AMZ1: variants seen among roughly 807,000 people sequenced by gnomAD.
AMZ1 encodes archaelysin family metallopeptidase 1, also known as archaemetzincin-1.
In AMZ1, 39 loss-of-function variants were observed where a neutral mutation model predicts 29.9. The ratio of observed to expected loss-of-function variants is 1.30; its 90% confidence interval spans 1.01 to 1.70. The LOEUF (loss-of-function observed/expected upper bound fraction) is 1.70. Among genes scored for constraint, AMZ1 ranks in the 40% most tolerant of loss-of-function variants. The pLI, the probability that AMZ1 is intolerant of heterozygous loss-of-function variation, is 0.00. For synonymous variants in AMZ1, 458 were observed against 304.0 expected, an observed-to-expected ratio of 1.51 and a Z score of -5.27; for missense variants, 1,041 against 680.6, an observed-to-expected ratio of 1.53 and a Z score of -5.89.
rs1583189130 is a variant in AMZ1, at chr7:2,718,931, T to A, written c.*6053T>A. On this transcript the variant is annotated 3_prime_UTR_variant, in exon 7 of 7. Transcript: ENST00000683327. Reference sequence around the variant, plus strand: ...CAGGGTCGCTTAACACAGGCAGGGGTACAGGAGAGCTCCGGCCATTTATTC... The same window carrying A: ...CAGGGTCGCTTAACACAGGCAGGGGAACAGGAGAGCTCCGGCCATTTATTC... Among the ~76,000 whole-genome samples, 2 of 151,034 alleles carry A rather than the reference T, an allele frequency of 1.3e-5. No individual in the cohort carries two copies. Among genetic ancestry groups the A allele is most frequent in the African/African-American group, 2.4e-5 (1 of 40,978 alleles).
chr7:2,709,930 C>G (rs199593674), intron 6 of AMZ1, 114 bp downstream of exon 6: 2 of 1,444,186 alleles, frequency 1.4e-6, no homozygotes, highest in East Asian at 4.9e-5. Flanking sequence ...TGTCAACTGC[C>G]GGGTTCCAGG....
At chr7:2,693,476 C>G (rs1256769575) in intron 1 of AMZ1, among the ~76,000 whole-genome samples, 1 of 152,112 alleles carries the variant, frequency 6.6e-6, no homozygotes, top group African/African-American at 2.4e-5. Context: ...GACTCCTGGG[C>G]TGGAGACTTC....
At chr7:2,724,102 T>A (rs798541), downstream of AMZ1, among the ~76,000 whole-genome samples, 8 of 147,540 alleles carry the variant, frequency 5.4e-5, no homozygotes, top group South Asian at 2.2e-4. Flanking sequence ...AGATGGGGAG[T>A]GGGGGGGCGG....
At position 2,709,084 on chromosome 7, in the gene AMZ1, T is replaced by C. The variant is rs1788567642; in HGVS notation, c.611T>C (p.Val204Ala). 1 of 1,591,920 alleles carries C rather than the reference T, an allele frequency of 6.3e-7. No individual in the cohort carries two copies. The highest frequency in any genetic ancestry group is 1.3e-5 in the African/African-American group (1 of 74,078). ...SKFLPGHEVG[V>A]CSFARFSGEF... ...CTCCATCTCTCTCCAGAAGTGGGCG[T>C]CTGCAGCTTCGCCCGGTTCTCAGGG... The change falls in exon 5 of 7, where the codon GTC becomes GCC. Residue 204 changes from valine (V) to alanine (A), a missense_variant. Coordinates refer to ENST00000683327, the MANE Select transcript of AMZ1 (RefSeq NM_001384743.1).
At chr7:2,690,294 C>T (rs6954350) in intron 1 of AMZ1, among the ~76,000 whole-genome samples, 2,189 of 152,304 alleles carry the variant, frequency 0.014, 58 homozygotes, top group African/African-American at 0.05. Flanking sequence ...TCATAGCTCA[C>T]CACAGCCTCG....
chr7:2,703,067 G>A (rs1788153685), intron 3 of AMZ1, among the ~76,000 whole-genome samples, 178 bp downstream of exon 3: 2 of 152,348 alleles, frequency 1.3e-5, no homozygotes, highest in African/African-American at 4.8e-5. Context: ...TCCCACCCAG[G>A]AGTGTCTGGG....
Position 2,712,268 on chromosome 7 carries a change from C to A in AMZ1, c.949-62C>A, listed in dbSNP as rs1788829117. 2.7e-6 allele frequency: 4 copies of A among 1,474,798 alleles called. No individual in the cohort carries two copies. In the East Asian group the frequency reaches 7.2e-5, roughly 26 times the overall value. 91.4% of individuals were successfully genotyped at this position (1,474,798 alleles called of 1,614,324 possible). On this transcript the variant is annotated intron_variant, in intron 6 of 6. Transcript: ENST00000683327. ...CCCCTTAGGTAAGGAGGTCTCCTGG[C>A]AGTTCCCTGGCTAGACAAGGGCTGG...
Position 2,712,872 on chromosome 7 carries a change from G to C in AMZ1, c.1491G>C (p.Glu497Asp), listed in dbSNP as rs74388321. ...ESAPRPWDGE[E>D]S ...CCCCCCGTCCCTGGGATGGGGAAGAGAGTTAGTACAGCAGGGGCTGCCCTA... is the reference window on the plus strand; with the variant it reads ...CCCCCCGTCCCTGGGATGGGGAAGACAGTTAGTACAGCAGGGGCTGCCCTA... The change falls in exon 7 of 7, where the codon GAG becomes GAC. Residue 497 changes from glutamate to aspartate, a missense_variant. Glu to Asp is a conservative substitution (Grantham distance 45, BLOSUM62 2). Transcript: ENST00000683327. 8.6e-6 allele frequency: 13 copies of C among 1,518,918 alleles called. No homozygotes were observed. The highest frequency in any genetic ancestry group is 1.1e-5 in the Non-Finnish European group (13 of 1,133,508). 94.1% of individuals were successfully genotyped at this position (1,518,918 alleles called of 1,614,324 possible). A position where few individuals can be genotyped will look rare whatever the true frequency, so the allele number is the denominator to read the frequency against.
chr7:2,692,466 C>T (rs1371253067), intron 1 of AMZ1, among the ~76,000 whole-genome samples: 5 of 152,164 alleles, frequency 3.3e-5, no homozygotes, highest in South Asian at 2.1e-4. Flanking sequence ...CGCTTTAACC[C>T]GGGAAGCGGA....
chr7:2,707,341 T>C (rs1788418685), intron 3 of AMZ1, among the ~76,000 whole-genome samples: 1 of 151,736 alleles, frequency 6.6e-6, no homozygotes, highest in African/African-American at 2.4e-5. Context: ...TTCCTTTTAA[T>C]GGTAGAACTC....
chr7:2,691,732 A>AAAAAG (rs1787399505), intron 1 of AMZ1, among the ~76,000 whole-genome samples: 1 of 143,584 alleles, frequency 7.0e-6, no homozygotes, highest in African/African-American at 2.5e-5. Context: ...CTCCGTCTCA[A>AAAAAG]AAAAAAAAAA....
Position 2,714,911 on chromosome 7 carries a change from A to G in AMZ1, c.*2033A>G, listed in dbSNP as rs1583184180. ...CCAGTCCCGGAAAATGCAAAGGGAC[A>G]AGTATGTGTTGATTTCAGAGAAGCT... On this transcript the variant is annotated 3_prime_UTR_variant, in exon 7 of 7. Coordinates refer to ENST00000683327, the MANE Select transcript of AMZ1 (RefSeq NM_001384743.1). 1 of 152,358 alleles carries G rather than the reference A, an allele frequency of 6.6e-6. No individual in the cohort carries two copies. The highest frequency in any genetic ancestry group is 2.1e-4 in the South Asian group (1 of 4,836). The allele number at this position is 152,358 out of a possible 1,614,324, so 9.4% of individuals were successfully genotyped here.
chr7:2,740,712 G>A (rs967549881), intron 4 of AMZ1, among the ~76,000 whole-genome samples: 1 of 152,180 alleles, frequency 6.6e-6, no homozygotes, highest in Non-Finnish European at 1.5e-5. Context: ...AGTTTCATAA[G>A]ATGTTTAATA....
chr7:2,763,057 G>A (rs755061235), upstream of AMZ1: 38 of 1,245,660 alleles, frequency 3.1e-5, no homozygotes, highest in African/African-American at 4.6e-5. Flanking sequence ...CCTCCAGGAC[G>A]CAGACCGGGG....
chr7:2,688,112 G>C (rs1037447699), upstream of AMZ1: 3 of 152,216 alleles, frequency 2.0e-5, no homozygotes, highest in African/African-American at 4.8e-5. Context: ...GGAGGGGTGT[G>C]GCCCTCCTGT....
chr7:2,696,423 AT>A (rs371381254), intron 1 of AMZ1, among the ~76,000 whole-genome samples: 86 of 150,608 alleles, frequency 5.7e-4, no homozygotes, highest in East Asian at 3.2e-3. Flanking sequence ...CGCCTGGCTA[AT>A]TTTTTTGTAT....
intron 1 of AMZ1, among the ~76,000 whole-genome samples, chr7:2,688,728 C>G (rs1055656968): frequency 4.6e-5 from 7 of 152,178 alleles, no homozygotes; most frequent in African/African-American, 1.7e-4. Context: ...CTCCAGGGCG[C>G]CGAGAATCTC....
At chr7:2,687,808 G>T (rs1398584013), upstream of AMZ1, among the ~76,000 whole-genome samples, 1 of 152,028 alleles carries the variant, frequency 6.6e-6, no homozygotes, top group Non-Finnish European at 1.5e-5. Flanking sequence ...CTCACCTGGG[G>T]CCTCTCCTGG....
In AMZ1 at chr7:2,715,014, G is replaced by A. The variant is rs754930195; in HGVS notation, c.*2136G>A. On this transcript the variant is annotated 3_prime_UTR_variant, in exon 7 of 7. Coordinates refer to ENST00000683327, the MANE Select transcript of AMZ1 (RefSeq NM_001384743.1). ...AAAGGGCATGACAGTGACCTGGGAG[G>A]TAACTGTGCCAGAATAAAGAGGGGA... 3 of 152,320 alleles carry A rather than the reference G, an allele frequency of 2.0e-5. No homozygotes were observed. The highest frequency in any genetic ancestry group is 2.9e-5 in the Non-Finnish European group (2 of 68,042). 9.4% of individuals were successfully genotyped at this position (152,320 alleles called of 1,614,324 possible).
Sources: allele counts gnomAD v4.1 joint callset (sites outside exome capture counted in the v4.1 genomes callset), GRCh38; gene constraint gnomAD v4.1.1; transcripts MANE v1.5; gene names NCBI Gene and HGNC (gene_info 2026-07-23, HGNC 2026-07-21).